The following TF variants were observed in gnomAD, a reference collection of about 807,000 sequenced individuals.
TF encodes serotransferrin.
TF carries 55 observed loss-of-function variants against 82.4 expected under a neutral mutation model. The ratio of observed to expected loss-of-function variants is 0.67; its 90% CI spans 0.54 to 0.84. The LOEUF (loss-of-function observed/expected upper bound fraction) is 0.84, where lower values mean the gene tolerates loss of function less well. Among genes scored for constraint, TF ranks in the 40% least tolerant of loss-of-function variants. The probability of loss-of-function intolerance (pLI) is 0.00; values close to 1 mark genes in which losing one functional copy is unlikely to be tolerated. For synonymous variants in TF, 332 were observed against 332.6 expected (o/e 1.00, Z 0.02); for missense variants, 737 against 868.4 (o/e 0.85, Z 1.90).
the TF span, chr3:133,707,561 C>T: frequency 7.9e-5 from 12 of 152,154 alleles, no homozygotes; most frequent in South Asian, 6.2e-4. Context: ...ATGATAAGGA[C>T]GTGTCTGAGG....
intron 12 of TF, 70 bp from the exon 13 acceptor site, chr3:133,767,959 G>T: frequency 1.9e-6 from 3 of 1,592,196 alleles, no homozygotes; most frequent in East Asian, 2.2e-5. Context: ...ATGCAGCCCT[G>T]TTATCTCTTA....
At position 133,784,473 on chromosome 3, in the gene TF, ATAATAATAAT is replaced by A. The variant is rs1196741958; in HGVS notation, c.*5854_*5863del. 52 of 135,714 alleles carry A rather than the reference ATAATAATAAT, an allele frequency of 3.8e-4. 1 individual carries two copies. The highest frequency in any genetic ancestry group is 1.4e-3 in the African/African-American group (52 of 37,106). 8.4% of individuals were successfully genotyped at this position (135,714 alleles called of 1,614,324 possible). A position where few individuals can be genotyped will look rare whatever the true frequency, so the allele number is the denominator to read the frequency against. ...TTGTAAATTCCCATTTGTTAAAAAAATAATAATAATAATAATAATAATAATAATAATAATA... is the reference window on the plus strand; with the variant it reads ...TTGTAAATTCCCATTTGTTAAAAAAAAATAATAATAATAATAATAATAATA... On this transcript the variant is annotated 3_prime_UTR_variant, in exon 17 of 17. Coordinates refer to ENST00000402696, the MANE Select transcript of TF (RefSeq NM_001063.4).
chr3:133,722,685 A>C, the TF span, among the ~76,000 whole-genome samples: 1 of 152,178 alleles, frequency 6.6e-6, no homozygotes, highest in African/African-American at 2.4e-5. Context: ...TCCTTCCCAC[A>C]GTTAATATTT....
the TF span, among the ~76,000 whole-genome samples, chr3:133,676,649 TGGGGCCACACAG>T: frequency 6.6e-6 from 1 of 152,336 alleles, no homozygotes; most frequent in Non-Finnish European, 1.5e-5. Flanking sequence ...CACGGCCACG[TGGGGCCACACAG>T]GGAGCTCTGC....
the TF span, among the ~76,000 whole-genome samples, chr3:133,736,325 A>G: frequency 6.6e-6 from 1 of 152,170 alleles, no homozygotes; most frequent in South Asian, 2.1e-4. Flanking sequence ...GGAAAGGAAA[A>G]ACCGGTACCA....
At chr3:133,702,849 T>C in the TF span, among the ~76,000 whole-genome samples, 3 of 152,188 alleles carry the variant, frequency 2.0e-5, no homozygotes, top group East Asian at 5.8e-4. Flanking sequence ...CACCAATTCC[T>C]AAGATTAAGA....
chr3:133,753,724 C>G, intron 3 of TF, 21 bp downstream of exon 3: 1 of 1,589,116 alleles, frequency 6.3e-7, no homozygotes, highest in Non-Finnish European at 8.6e-7. Flanking sequence ...CCTGGGACCC[C>G]AGGAAGGAGT....
At chr3:133,776,918 A>G in intron 15 of TF, 131 bp from the exon 16 acceptor site, 2 of 823,988 alleles carry the variant, frequency 2.4e-6, no homozygotes, top group Non-Finnish European at 4.0e-6. Flanking sequence ...GAGGTGGAAA[A>G]TTCCCAAGAC....
chr3:133,756,468 A>G, intron 6 of TF, 131 bp downstream of exon 6: 1 of 1,094,338 alleles, frequency 9.1e-7, no homozygotes, highest in East Asian at 2.6e-5. Flanking sequence ...CTGGGTTTCC[A>G]CCTGTGCAGA....
In TF at chr3:133,782,205, T is replaced by G. The variant is rs1934529198; in HGVS notation, c.*3585T>G. 1 of 152,150 alleles carries G rather than the reference T, an allele frequency of 6.6e-6. No homozygotes were observed. Among genetic ancestry groups the G allele is most frequent in the Admixed American group, 6.5e-5 (1 of 15,274 alleles). The allele number at this position is 152,150 out of a possible 1,614,324, so 9.4% of individuals were successfully genotyped here. Reference sequence around the variant, plus strand: ...AACCTTTGTGCATTGTTGGTGAGAATGTACAGCCATTGTGGAAAACAGTAT... The same window carrying G: ...AACCTTTGTGCATTGTTGGTGAGAAGGTACAGCCATTGTGGAAAACAGTAT... On this transcript the variant is annotated 3_prime_UTR_variant, in exon 17 of 17. Coordinates refer to ENST00000402696, the MANE Select transcript of TF (RefSeq NM_001063.4).
At chr3:133,685,618 TA>T in the TF span, among the ~76,000 whole-genome samples, 1 of 152,202 alleles carries the variant, frequency 6.6e-6, no homozygotes, top group African/African-American at 2.4e-5. Flanking sequence ...TCAAAGAGAA[TA>T]AAATACCTAG....
At chr3:133,771,743 C>CAAAAAAAAAAAAAAAAAA (rs71136494) in intron 14 of TF, among the ~76,000 whole-genome samples, 57 of 56,532 alleles carry the variant, frequency 1.0e-3, no homozygotes, top group African/African-American at 1.3e-3. Context: ...GACTCCGTCT[C>CAAAAAAAAAAAAAAAAAA]AAAAAAAAAA....
Position 133,779,852 on chromosome 3 carries a change from C to T in TF, c.*1232C>T, listed in dbSNP as rs1186219467. On this transcript the variant is annotated 3_prime_UTR_variant, in exon 17 of 17. Coordinates refer to ENST00000402696, the MANE Select transcript of TF (RefSeq NM_001063.4). ...TTCTTCTCTCTCTTGCTTCCCTAAA[C>T]CAACTGTTGTTATAGTATATTCCAT... 1 of 152,244 alleles carries T rather than the reference C, an allele frequency of 6.6e-6. No individual in the cohort carries two copies. Among genetic ancestry groups the T allele is most frequent in the African/African-American group, 2.4e-5 (1 of 41,442 alleles). The allele number at this position is 152,244 out of a possible 1,614,324, so 9.4% of individuals were successfully genotyped here.
the TF span, chr3:133,664,813 C>T: frequency 1.3e-5 from 2 of 151,852 alleles, no homozygotes; most frequent in Non-Finnish European, 2.9e-5. Flanking sequence ...TTGACCTCCT[C>T]AGATGTGGAA....
At chr3:133,764,369 C>A in intron 10 of TF, 94 bp downstream of exon 10, 2 of 1,082,346 alleles carry the variant, frequency 1.8e-6, no homozygotes, top group Non-Finnish European at 2.9e-6. Context: ...ACCACAGCTG[C>A]CATAAAGCTT....
the TF span, among the ~76,000 whole-genome samples, chr3:133,679,395 T>C: frequency 6.6e-4 from 101 of 152,300 alleles, no homozygotes; most frequent in Non-Finnish European, 1.3e-3. Context: ...ATACATATAG[T>C]TCAGTGAATC....
chr3:133,695,346 C>T, the TF span, among the ~76,000 whole-genome samples: 1 of 147,760 alleles, frequency 6.8e-6, no homozygotes, highest in East Asian at 2.0e-4. Flanking sequence ...CTCCTGGGTT[C>T]AAGCGATTCT....
the TF span, among the ~76,000 whole-genome samples, chr3:133,730,350 T>C: frequency 6.6e-6 from 1 of 152,238 alleles, no homozygotes; most frequent in Non-Finnish European, 1.5e-5. Flanking sequence ...GCCATAGGCA[T>C]GCCTATCCTT....
the TF span, among the ~76,000 whole-genome samples, chr3:133,683,477 A>G: frequency 9.8e-5 from 15 of 152,348 alleles, no homozygotes; most frequent in Non-Finnish European, 2.1e-4. Context: ...AGAGACACAC[A>G]TAGGCTTAAA....
Sources: allele counts gnomAD v4.1 joint callset (sites outside exome capture counted in the v4.1 genomes callset), GRCh38; gene constraint gnomAD v4.1.1; transcripts MANE v1.5; gene names NCBI Gene and HGNC (gene_info 2026-07-23, HGNC 2026-07-21).